The following GRK3 variants were observed in gnomAD, a reference collection of about 807,000 sequenced individuals.
GRK3 encodes adrenergic, beta, receptor kinase 2.
In GRK3, 54 loss-of-function variants were observed where a neutral mutation model predicts 95.7. The observed-to-expected ratio is 0.56, with a 90% CI of 0.45 to 0.71. The LOEUF (loss-of-function observed/expected upper bound fraction) is 0.71. GRK3 is among the 30% of genes least tolerant of loss of function. The pLI, the probability that GRK3 is intolerant of heterozygous loss-of-function variation, is 0.00. For synonymous variants in GRK3, 281 were observed against 290.8 expected (o/e 0.97, Z 0.34); for missense variants, 649 against 851.2 (o/e 0.76, Z 2.96).
In GRK3 at chr22:25,725,813, G is replaced by C. The variant is rs2085469090; in HGVS notation, c.*3363G>C. ...TACAAATAAAAATTAGCCGGGCGTG[G>C]TGGCGGGCGCCTGTAGTCCCAGCTA... On this transcript the variant is annotated 3_prime_UTR_variant, in exon 21 of 21. Transcript: ENST00000324198. 1 of 359,436 alleles carries C rather than the reference G, an allele frequency of 2.8e-6. No individual in the cohort carries two copies. Among genetic ancestry groups the C allele is most frequent in the South Asian group, 1.5e-4 (1 of 6,638 alleles). 22.3% of individuals were successfully genotyped at this position (359,436 alleles called of 1,614,324 possible).
At chr22:25,623,510 C>T (rs567918437) in intron 2 of GRK3, among the ~76,000 whole-genome samples, 3 of 152,300 alleles carry the variant, frequency 2.0e-5, no homozygotes, top group Non-Finnish European at 2.9e-5. Flanking sequence ...TCTGTGGTTT[C>T]GTTTCATAAT....
intron 2 of GRK3, among the ~76,000 whole-genome samples, chr22:25,619,934 C>G (rs1287919907): frequency 6.6e-6 from 1 of 151,632 alleles, no homozygotes; most frequent in Non-Finnish European, 1.5e-5. Flanking sequence ...GTTCCCTCTC[C>G]CCCTTCTCTC....
At chr22:25,695,360 G>C (rs1322279925) in intron 13 of GRK3, 146 bp downstream of exon 13, 1 of 554,874 alleles carries the variant, frequency 1.8e-6, no homozygotes, top group African/African-American at 1.9e-5. Flanking sequence ...GGAAGACTCT[G>C]TCTTAGAAGA....
At chr22:25,574,207 A>G (rs752269216) in intron 1 of GRK3, among the ~76,000 whole-genome samples, 1 of 152,168 alleles carries the variant, frequency 6.6e-6, no homozygotes, top group Non-Finnish European at 1.5e-5. Context: ...TTAAATTAAA[A>G]ATGAGGCCAG....
intron 2 of GRK3, among the ~76,000 whole-genome samples, chr22:25,606,571 A>G (rs1453393412): frequency 6.6e-6 from 1 of 150,858 alleles, no homozygotes; most frequent in Non-Finnish European, 1.5e-5. Flanking sequence ...TTCCTGCCCT[A>G]CTCTTTCCCT....
At chr22:25,702,293 A>C (rs1185434333) in intron 13 of GRK3, among the ~76,000 whole-genome samples, 1 of 152,252 alleles carries the variant, frequency 6.6e-6, no homozygotes, top group Non-Finnish European at 1.5e-5. Flanking sequence ...TAGGATGACC[A>C]GCTCAGTAGC....
chr22:25,636,842 A>G (rs1405719597), intron 2 of GRK3, among the ~76,000 whole-genome samples: 1 of 152,152 alleles, frequency 6.6e-6, no homozygotes, highest in Non-Finnish European at 1.5e-5. Flanking sequence ...CTTTTGACCA[A>G]CGTAATGTCT....
intron 12 of GRK3, 64 bp downstream of exon 12, chr22:25,690,347 TTTGTCACCCCA>T: frequency 8.5e-7 from 1 of 1,175,076 alleles, no homozygotes; most frequent in South Asian, 1.3e-5. Flanking sequence ...GGCGTGGCCA[TTTGTCACCCCA>T]TTTCTCTTAC....
In GRK3 at chr22:25,723,240, C is replaced by T; in HGVS notation, c.*790C>T. ...TTTGAGTCCAGTGTGCACGAGTCGA[C>T]AAGCAGTACCTGGCATGCAGGAGCA... On this transcript the variant is annotated 3_prime_UTR_variant, in exon 21 of 21. Coordinates refer to ENST00000324198, the MANE Select transcript of GRK3 (RefSeq NM_005160.4). The T allele has an allele frequency of 6.6e-6, 1 of 152,178 alleles. No individual in the cohort carries two copies. Among genetic ancestry groups the T allele is most frequent in the Non-Finnish European group, 1.5e-5 (1 of 68,056 alleles). 9.4% of individuals were successfully genotyped at this position (152,178 alleles called of 1,614,324 possible).
intron 3 of GRK3, among the ~76,000 whole-genome samples, chr22:25,653,859 T>A (rs2084851481): frequency 2.0e-5 from 3 of 152,220 alleles, no homozygotes; most frequent in Admixed American, 2.0e-4. Flanking sequence ...CAGCTAATTT[T>A]TGTATTTTTA....
intron 8 of GRK3, 67 bp downstream of exon 8, chr22:25,674,595 A>G: frequency 8.5e-7 from 1 of 1,177,546 alleles, no homozygotes; most frequent in South Asian, 1.3e-5. Flanking sequence ...TGAAAAGAAA[A>G]TTCCTATAAA....
At chr22:25,693,941 G>C (rs753650191) in intron 12 of GRK3, among the ~76,000 whole-genome samples, 1 of 151,986 alleles carries the variant, frequency 6.6e-6, no homozygotes, top group Admixed American at 6.5e-5. Context: ...ACAGGCATGC[G>C]CCACCACGCC....
chr22:25,691,368 CTT>C (rs886407776), intron 12 of GRK3, among the ~76,000 whole-genome samples: 3 of 152,080 alleles, frequency 2.0e-5, no homozygotes, highest in Non-Finnish European at 4.4e-5. Context: ...AGATCCTTCT[CTT>C]TGTGTAACTA....
rs2085445518 is a variant in GRK3 at position 25,722,970 on chromosome 22, T to C, written c.*520T>C. Reference sequence around the variant, plus strand: ...GATATTTTCTGATGATATTAAAAGTTGAAGATATTTCTGCACTTGGGCCCT... The same window carrying C: ...GATATTTTCTGATGATATTAAAAGTCGAAGATATTTCTGCACTTGGGCCCT... On this transcript the variant is annotated 3_prime_UTR_variant, in exon 21 of 21. Coordinates refer to ENST00000324198, the MANE Select transcript of GRK3 (RefSeq NM_005160.4). 6.6e-6 allele frequency: 1 copy of C among 152,588 alleles called. No homozygotes were observed. The highest frequency in any genetic ancestry group is 1.5e-5 in the Non-Finnish European group (1 of 68,338). 9.5% of individuals were successfully genotyped at this position (152,588 alleles called of 1,614,324 possible). A position where few individuals can be genotyped will look rare whatever the true frequency, so the allele number is the denominator to read the frequency against.
intron 2 of GRK3, among the ~76,000 whole-genome samples, chr22:25,610,185 A>G (rs2084486056): frequency 6.6e-6 from 1 of 152,122 alleles, no homozygotes; most frequent in Admixed American, 6.5e-5. Context: ...TGACTTGTCC[A>G]GGTGTGGTGG....
In GRK3 at chr22:25,677,396, A is replaced by G. The variant is rs1036989146; in HGVS notation, c.648-1420A>G. Among the ~76,000 whole-genome samples the G allele has an allele frequency of 3.3e-5, 5 of 150,860 alleles. No homozygotes were observed. The East Asian group carries it at 5.8e-4, about 18-fold the overall frequency. On this transcript the variant is annotated intron_variant, in intron 8 of 20. Coordinates refer to ENST00000324198, the MANE Select transcript of GRK3 (RefSeq NM_005160.4). ...ATATCTTAAAAAAAAAAAAAAAAAA[A>G]AAAAAGAAAAGGAAAAAAAAAGAAA...
chr22:25,706,520 T>G (rs143880464), intron 15 of GRK3, among the ~76,000 whole-genome samples: 92 of 152,284 alleles, frequency 6.0e-4, no homozygotes, highest in African/African-American at 1.8e-3. Flanking sequence ...TTTTAATATT[T>G]ATTTTTACTT....
At chr22:25,688,376 T>C (rs1189098600) in intron 11 of GRK3, among the ~76,000 whole-genome samples, 2 of 152,074 alleles carry the variant, frequency 1.3e-5, no homozygotes, top group Middle Eastern at 3.2e-3. Flanking sequence ...CAATGATGGA[T>C]AAGCAAAGAA....
At chr22:25,591,616 T>G (rs1008948697) in intron 1 of GRK3, among the ~76,000 whole-genome samples, 7 of 152,004 alleles carry the variant, frequency 4.6e-5, no homozygotes, top group African/African-American at 1.7e-4. Flanking sequence ...AAGACACTCC[T>G]ATCAGGAAAT....
Sources: allele counts gnomAD v4.1 joint callset (sites outside exome capture counted in the v4.1 genomes callset), GRCh38; gene constraint gnomAD v4.1.1; transcripts MANE v1.5; gene names NCBI Gene and HGNC (gene_info 2026-07-23, HGNC 2026-07-21).